The following ASB14 variants were observed in gnomAD, a reference collection of about 807,000 sequenced individuals.
The protein encoded by ASB14 is ankyrin repeat and SOCS box protein 14.
In ASB14, 63 loss-of-function variants were observed where a neutral mutation model predicts 55.6. That is an observed-to-expected ratio of 1.13 (90% CI 0.92 to 1.40). The LOEUF (loss-of-function observed/expected upper bound fraction) is 1.40, where lower values mean the gene tolerates loss of function less well. Ranked by LOEUF, ASB14 falls within the 40% of genes most tolerant of loss-of-function variation. ASB14 has a pLI of 0.00. For synonymous variants in ASB14, 256 were observed against 259.9 expected (o/e 0.98, Z 0.15); for missense variants, 724 against 710.4 (o/e 1.02, Z -0.22).
intron 5 of ASB14, among the ~76,000 whole-genome samples, chr3:57,286,866 T>C (rs1454505041): frequency 1.3e-5 from 2 of 152,250 alleles, no homozygotes; most frequent in Non-Finnish European, 2.9e-5. Flanking sequence ...GTTGCTACTC[T>C]TGGATCATCC....
At position 57,268,465 on chromosome 3, in the gene ASB14, A is replaced by G. The variant is rs144769112; in HGVS notation, c.*1176T>C. The G allele has an allele frequency of 1.0e-3, 1,665 of 1,605,176 alleles. 2 individuals are homozygous for G. The highest frequency in any genetic ancestry group is 1.4e-3 in the Non-Finnish European group (1,599 of 1,176,222). ...AAAGAGAAGCAACAGAAAGAACTCAATAAACAAAAACAGATTGAAAAGGTA... is the reference window on the plus strand; with the variant it reads ...AAAGAGAAGCAACAGAAAGAACTCAGTAAACAAAAACAGATTGAAAAGGTA... On this transcript the variant is annotated 3_prime_UTR_variant, in exon 11 of 11. Coordinates refer to ENST00000487349, the MANE Select transcript of ASB14 (RefSeq NM_001142733.3).
chr3:57,271,393 T>C (rs1050447446), intron 10 of ASB14: 5 of 152,546 alleles, frequency 3.3e-5, no homozygotes, highest in Non-Finnish European at 1.5e-5. Flanking sequence ...TGATAAAAAG[T>C]TTATTTTGTG....
Position 57,288,251 on chromosome 3 carries a change from G to T in ASB14, c.214C>A (p.His72Asn). The T allele has an allele frequency of 6.5e-7, 1 of 1,536,756 alleles. No individual in the cohort carries two copies. The highest frequency in any genetic ancestry group is 8.7e-7 in the Non-Finnish European group (1 of 1,146,330). The change falls in exon 4 of 11, where the codon CAT (histidine) becomes AAT (asparagine). Residue 72 changes from histidine to asparagine, a missense_variant. By Grantham distance (68) the His-to-Asn change is moderately conservative. Transcript: ENST00000487349. ...TCATCTGCTTCACCAAATGCGGAATGGTACTTGGTTAAGTGTGACAATGCA... is the reference window on the plus strand; with the variant it reads ...TCATCTGCTTCACCAAATGCGGAATTGTACTTGGTTAAGTGTGACAATGCA... ...EDALSHLTKY[H>N]SAFGEADEIG...
chr3:57,279,489 A>G (rs1229932424), intron 7 of ASB14, among the ~76,000 whole-genome samples: 1 of 151,892 alleles, frequency 6.6e-6, no homozygotes, highest in Non-Finnish European at 1.5e-5. Context: ...TCACGAGGTT[A>G]AGAGATTGAG....
chr3:57,283,657 T>C (rs1411571972), intron 5 of ASB14, among the ~76,000 whole-genome samples: 2 of 152,214 alleles, frequency 1.3e-5, no homozygotes, highest in African/African-American at 4.8e-5. Context: ...CTGTAAGCCA[T>C]GAGTAATTAT....
At chr3:57,279,264 CTTTTTTTT>C (rs869152915) in intron 7 of ASB14, among the ~76,000 whole-genome samples, 51 of 88,080 alleles carry the variant, frequency 5.8e-4, no homozygotes, top group African/African-American at 1.1e-3. Flanking sequence ...AAGAGTTTTT[CTTTTTTTT>C]TTTTTTTTTT....
At chr3:57,280,159 A>C in intron 7 of ASB14, 143 bp downstream of exon 7, 1 of 413,850 alleles carries the variant, frequency 2.4e-6, no homozygotes, top group Non-Finnish European at 3.8e-6. Flanking sequence ...GGGAGACAGC[A>C]TCTCAAAAAA....
Position 57,287,997 on chromosome 3 carries a change from C to T in ASB14, c.373G>A (p.Val125Ile), listed in dbSNP as rs2061093835. 1 of 1,537,326 alleles carries T rather than the reference C, an allele frequency of 6.5e-7. No homozygotes were observed. ...HNGETPLFLA[V>I]SSCLLENATF... ...GCATTTTCTAAGAGGCAACTGCTGA[C>T]AGCCAAAAAAAGTGGCGTTTCACCA... Residue 125 changes from valine (V) to isoleucine (I), a missense_variant, in exon 5 of 11, where the codon GTC becomes ATC. Transcript: ENST00000487349.
At chr3:57,273,477 G>C (rs2060961606) in intron 10 of ASB14, 1 of 152,430 alleles carries the variant, frequency 6.6e-6, no homozygotes, top group Non-Finnish European at 1.5e-5. Context: ...TGAAATATTT[G>C]ATACTCTGAA....
chr3:57,271,292 A>G (rs927736712), intron 10 of ASB14: 2 of 152,568 alleles, frequency 1.3e-5, no homozygotes, highest in African/African-American at 4.8e-5. Context: ...TATTCCTTCT[A>G]TCCATGTGCC....
At position 57,268,887 on chromosome 3, in the gene ASB14, A is replaced by C. The variant is rs1031123413; in HGVS notation, c.*754T>G. ...TATTTTTAATATTGCCAGGAGTGTC[A>C]AATCATTGTCCATCCAACAGAATAA... On this transcript the variant is annotated 3_prime_UTR_variant, in exon 11 of 11. Coordinates refer to ENST00000487349, the MANE Select transcript of ASB14 (RefSeq NM_001142733.3). 1.3e-5 allele frequency: 2 copies of C among 152,532 alleles called. No individual in the cohort carries two copies. Among genetic ancestry groups the C allele is most frequent in the Non-Finnish European group, 2.9e-5 (2 of 68,270 alleles). The allele number at this position is 152,532 out of a possible 1,614,324, so 9.4% of individuals were successfully genotyped here. A position where few individuals can be genotyped will look rare whatever the true frequency, so the allele number is the denominator to read the frequency against.
At position 57,292,029 on chromosome 3, in the gene ASB14, T is replaced by C; in HGVS notation, c.5A>G (p.Asp2Gly). The change falls in exon 2 of 11, where the codon GAT (aspartate) becomes GGT (glycine). Residue 2 changes from aspartate to glycine, a missense_variant. Coordinates refer to ENST00000487349, the MANE Select transcript of ASB14 (RefSeq NM_001142733.3). The part of the protein sequence containing the change: M[D>G]NYTSDEDIDE... The stretch of plus-strand genomic sequence containing the variant: ...TATGTCTTCATCGCTGGTGTAATTA[T>C]CCATGTGAAACGTGGACAGGTTTAC... 1.3e-6 allele frequency: 2 copies of C among 1,534,370 alleles called. No individual in the cohort carries two copies. Among genetic ancestry groups the C allele is most frequent in the African/African-American group, 2.7e-5 (2 of 73,084 alleles).
At chr3:57,292,241 G>C in intron 1 of ASB14, 137 bp from the exon 2 acceptor site, 1 of 518,718 alleles carries the variant, frequency 1.9e-6, no homozygotes, top group South Asian at 2.7e-5. Context: ...GACTGCCACA[G>C]ATTCAACAAA....
rs1319688613 is a variant in ASB14, at chr3:57,278,501, A to G, written c.1307T>C (p.Met436Thr). 2 of 1,614,094 alleles carry G rather than the reference A, an allele frequency of 1.2e-6. No homozygotes were observed. Among genetic ancestry groups the G allele is most frequent in the African/African-American group, 2.7e-5 (2 of 74,944 alleles). Residue 436 changes from methionine to threonine, a missense_variant, in exon 8 of 11, where the codon ATG (methionine) becomes ACG (threonine). By Grantham distance (81) the Met-to-Thr change is moderately conservative. Coordinates refer to ENST00000487349, the MANE Select transcript of ASB14 (RefSeq NM_001142733.3). ...CCCATAGTTCAGCAGCATCCTGAGC[A>G]TGACTTCATCTTTCAGAGTGTATTG... is the stretch of plus-strand genomic sequence containing the variant. ...ALQYTLKDEV[M>T]LRMLLNYGYD...
At chr3:57,291,702 C>G (rs534485454) in intron 2 of ASB14, among the ~76,000 whole-genome samples, 7 of 152,302 alleles carry the variant, frequency 4.6e-5, no homozygotes, top group South Asian at 4.1e-4. Flanking sequence ...CTGCTAACCT[C>G]CTTCAGATAT....
intron 2 of ASB14, among the ~76,000 whole-genome samples, chr3:57,290,392 T>C (rs1234828782): frequency 6.6e-6 from 1 of 152,084 alleles, no homozygotes; most frequent in Non-Finnish European, 1.5e-5. Context: ...CTCTCCTGGC[T>C]CCCCCTCTTT....
chr3:57,288,388 CAG>C, intron 3 of ASB14, 102 bp from the exon 4 acceptor site: 1 of 1,254,018 alleles, frequency 8.0e-7, no homozygotes, highest in Non-Finnish European at 1.1e-6. Flanking sequence ...CATAAGACAA[CAG>C]AATTCTAGCA....
At chr3:57,272,587 C>T (rs2060949989) in intron 10 of ASB14, 1 of 151,898 alleles carries the variant, frequency 6.6e-6, no homozygotes, top group Non-Finnish European at 1.5e-5. Context: ...AACCTGCCAC[C>T]TGAATAAAAT....
At chr3:57,282,007 C>T (rs1190706708) in intron 6 of ASB14, among the ~76,000 whole-genome samples, 1 of 152,192 alleles carries the variant, frequency 6.6e-6, no homozygotes, top group Admixed American at 6.5e-5. Context: ...GATTTAACAT[C>T]TGTTGCTTCT....
Sources: gnomAD v4.1 joint callset for allele counts (sites outside exome capture counted in the v4.1 genomes callset) on GRCh38, gnomAD v4.1.1 for gene constraint, MANE v1.5 for transcripts, NCBI Gene and HGNC (gene_info 2026-07-23, HGNC 2026-07-21) for gene names.